DNMT3A: variants seen among roughly 807,000 people sequenced by gnomAD.
The protein encoded by DNMT3A is DNA methyltransferase 3 alpha, also known as DNA (cytosine-5)-methyltransferase 3A.
A neutral mutation model predicts 117.6 loss-of-function variants in DNMT3A; 267 were observed. The ratio of observed to expected loss-of-function variants is 2.27; its 90% CI spans 2.05 to 2.51. The LOEUF is 2.51. Among genes scored for constraint, DNMT3A ranks in the 30% most tolerant of loss-of-function variants. DNMT3A has a pLI of 0.00. For missense variants in DNMT3A, 1,029 were observed against 1,260.2 expected, an observed-to-expected ratio of 0.82 and a Z score of 2.78; for synonymous variants, 432 against 474.8, an observed-to-expected ratio of 0.91 and a Z score of 1.17.
intron 6 of DNMT3A, among the ~76,000 whole-genome samples, chr2:25,267,616 C>A (rs1008195155): frequency 3.9e-5 from 6 of 152,170 alleles, no homozygotes; most frequent in African/African-American, 1.4e-4. Context: ...GACTTTTTCA[C>A]AAGAATGTAT....
chr2:25,264,704 C>G (rs939286448), intron 6 of DNMT3A, among the ~76,000 whole-genome samples: 1 of 152,100 alleles, frequency 6.6e-6, no homozygotes, highest in African/African-American at 2.4e-5. Context: ...CCTCATGATA[C>G]GCCTGCCTTC....
chr2:25,240,315 G>T lies in DNMT3A; in HGVS notation c.2309C>A (p.Ser770Ter), dbSNP rs758845779. ...TGCTGGCTATACCTCGAGAAATCGC[G>T]AGATGTCCCTCTTGTCACTAACGCC... ...AMGVSDKRDI[S>*]RFLESNPVMI... Residue 770 changes from serine (S) to a stop codon, truncating the protein, a stop_gained, in exon 19 of 23, where the codon TCG becomes TAG. Transcript: ENST00000321117. LOFTEE classifies it high-confidence loss of function. The T allele has an allele frequency of 1.9e-6, 3 of 1,614,028 alleles. No homozygotes were observed. Among genetic ancestry groups the T allele is most frequent in the Non-Finnish European group, 1.7e-6 (2 of 1,180,018 alleles).
intron 6 of DNMT3A, chr2:25,249,578 G>A (rs978094303): frequency 9.3e-6 from 14 of 1,507,094 alleles, no homozygotes; most frequent in African/African-American, 2.7e-5. Context: ...TAGACCAGGC[G>A]TGCTCTCTGC....
At chr2:25,319,767 T>C (rs1039104924) in intron 1 of DNMT3A, among the ~76,000 whole-genome samples, 2 of 151,880 alleles carry the variant, frequency 1.3e-5, no homozygotes, top group Non-Finnish European at 2.9e-5. Context: ...GATTTTTTCT[T>C]TCTTTCTTTT....
Position 25,304,364 on chromosome 2 carries a change from C to A in DNMT3A, c.73-4121G>T, listed in dbSNP as rs575400287. 6.6e-6 allele frequency among the ~76,000 whole-genome samples: 1 copy of A among 152,178 alleles called. No individual in the cohort carries two copies. The highest frequency in any genetic ancestry group is 1.9e-4 in the East Asian group (1 of 5,200). On this transcript the variant is annotated intron_variant, in intron 2 of 22. Coordinates refer to ENST00000321117, the MANE Select transcript of DNMT3A (RefSeq NM_022552.5). This position sits in a 1 kb window ranked among gnomAD's most constrained non-coding sequence, Gnocchi z 4.3. ...TGAGGTGATGTAGCAAAAGCTGACA[C>A]GTGATAGTCACTCGAGAACTGCTAC...
At position 25,243,805 on chromosome 2, in the gene DNMT3A, A is replaced by G. The variant is rs528715708; in HGVS notation, c.1936+93T>C. The G allele has an allele frequency of 8.7e-5, 114 of 1,311,392 alleles. 1 individual carries two copies. In the South Asian group the frequency reaches 1.4e-3, roughly 16 times the overall value. 81.2% of individuals were successfully genotyped at this position (1,311,392 alleles called of 1,614,324 possible). On this transcript the variant is annotated intron_variant, in intron 16 of 22. Coordinates refer to ENST00000321117, the MANE Select transcript of DNMT3A (RefSeq NM_022552.5). ...ATAATATTTTAACAGCTGTGAAGCT[A>G]ACCATCATTTCGTTTTGCCAGAGTT... is the stretch of plus-strand genomic sequence containing the variant.
At chr2:25,267,648 T>G (rs1397204032) in intron 6 of DNMT3A, among the ~76,000 whole-genome samples, 1 of 152,240 alleles carries the variant, frequency 6.6e-6, no homozygotes, top group Admixed American at 6.5e-5. Flanking sequence ...TTATGTAATT[T>G]AAAATACTTT....
In DNMT3A at chr2:25,286,006, T is replaced by C. The variant is rs1327301797; in HGVS notation, c.178-3295A>G. Among the ~76,000 whole-genome samples, 2 of 152,224 alleles carry C rather than the reference T, an allele frequency of 1.3e-5. No homozygotes were observed. The highest frequency in any genetic ancestry group is 4.8e-5 in the African/African-American group (2 of 41,456). On this transcript the variant is annotated intron_variant, in intron 3 of 22. Transcript: ENST00000321117. This position sits in a 1 kb window ranked among gnomAD's most constrained non-coding sequence, Gnocchi z 4.3. ...TAAGAAGCTTAGGTCAGAGCCAGAC[T>C]TTTTCATGGCTGCGTCTTCCTTTCT...
chr2:25,238,967 T>C (rs1673663541), intron 20 of DNMT3A, among the ~76,000 whole-genome samples, 163 bp downstream of exon 20: 1 of 152,196 alleles, frequency 6.6e-6, no homozygotes, highest in Non-Finnish European at 1.5e-5. Context: ...ATACCCTGAC[T>C]CCTCTTCCTC....
chr2:25,239,058 GCTTCCCCA>G, intron 20 of DNMT3A, 64 bp downstream of exon 20: 1 of 1,400,774 alleles, frequency 7.1e-7, no homozygotes, highest in Admixed American at 1.9e-5. Flanking sequence ...CGGCTCAGGG[GCTTCCCCA>G]CTATGGGTCA....
At chr2:25,297,658 C>G (rs760863819) in intron 3 of DNMT3A, among the ~76,000 whole-genome samples, 5 of 152,228 alleles carry the variant, frequency 3.3e-5, no homozygotes, top group Non-Finnish European at 4.4e-5. Context: ...TTACAGGCAC[C>G]CGCCATCATG....
intron 2 of DNMT3A, among the ~76,000 whole-genome samples, chr2:25,303,548 AG>A (rs2033628762): frequency 6.6e-6 from 1 of 152,222 alleles, no homozygotes; most frequent in Non-Finnish European, 1.5e-5. Flanking sequence ...AGTGCCAGGC[AG>A]GGGTGCTGTG....
rs1487777635 is a variant in DNMT3A, at chr2:25,313,883, A to T, written c.72+30T>A. The stretch of plus-strand genomic sequence containing the variant: ...GACAGGGCTCTCCCTCTCCCAGGCC[A>T]GAGGGTCCCCAGCAGAGCCCGCTGC... On this transcript the variant is annotated intron_variant, in intron 2 of 22. Transcript: ENST00000321117. 4 of 1,548,814 alleles carry T rather than the reference A, an allele frequency of 2.6e-6. No individual in the cohort carries two copies. The Admixed American group carries it at 7.8e-5, about 30-fold the overall frequency.
intron 4 of DNMT3A, among the ~76,000 whole-genome samples, chr2:25,277,054 G>C (rs980553926): frequency 1.3e-5 from 2 of 152,132 alleles, no homozygotes; most frequent in African/African-American, 4.8e-5. Flanking sequence ...GAGCACCAGG[G>C]GGAGGGAGGC....
Position 25,244,553 on chromosome 2 carries a change from T to G in DNMT3A, c.1654A>C (p.Asn552His). The change falls in exon 14 of 23, where the codon AAC (asparagine) becomes CAC (histidine). Residue 552 changes from asparagine to histidine, a missense_variant. Coordinates refer to ENST00000321117, the MANE Select transcript of DNMT3A (RefSeq NM_022552.5). ...GGREVLMCGN[N>H]NCCRCFCVEC... ...CAACAGCCTCACCTGCAGCAGTTGT[T>G]GTTTCCGCACATGAGCACCTCACGG... The G allele has an allele frequency of 6.2e-7, 1 of 1,614,150 alleles. No homozygotes were observed.
intron 6 of DNMT3A, among the ~76,000 whole-genome samples, chr2:25,271,784 C>A (rs2030928749): frequency 1.3e-5 from 2 of 152,178 alleles, no homozygotes; most frequent in South Asian, 4.1e-4. Flanking sequence ...GTACTAAAGT[C>A]TTTTAAATTA....
At position 25,341,917 on chromosome 2, in the gene DNMT3A, C is replaced by T. The variant is rs1202640046; in HGVS notation, c.-269G>A. 30 of 980,216 alleles carry T rather than the reference C, an allele frequency of 3.1e-5. No individual in the cohort carries two copies. Among genetic ancestry groups the T allele is most frequent in the Non-Finnish European group, 3.5e-5 (29 of 827,928 alleles). 60.7% of individuals were successfully genotyped at this position (980,216 alleles called of 1,614,324 possible). A position where few individuals can be genotyped will look rare whatever the true frequency, so the allele number is the denominator to read the frequency against. ...CGTCCTCTGCTCTCGCCGCCGCCGC[C>T]GCCCGCGCGCCCTCCCTCCCTCCCG... On this transcript the variant is annotated 5_prime_UTR_variant, in exon 1 of 23. Transcript: ENST00000321117.
At chr2:25,313,840 C>G in intron 2 of DNMT3A, 73 bp downstream of exon 2, 1 of 1,546,418 alleles carries the variant, frequency 6.5e-7, no homozygotes, top group African/African-American at 1.4e-5. Context: ...TATGAGGAGC[C>G]GGCTGTCATC....
chr2:25,300,183 C>T lies in DNMT3A; in HGVS notation c.133G>A (p.Ala45Thr), dbSNP rs2149405178. The T allele has an allele frequency of 1.2e-6, 2 of 1,612,904 alleles. No individual in the cohort carries two copies. The highest frequency in any genetic ancestry group is 1.7e-6 in the Non-Finnish European group (2 of 1,179,968). The stretch of plus-strand genomic sequence containing the variant: ...CTCCCAGGCCGCCCCACCTTCCGTG[C>T]CGTGGTGCTGGGCTCTTGGCGCTCC... ...KEERQEPSTT[A>T]RKVGRPGRKR... Residue 45 changes from alanine (A) to threonine (T), a missense_variant, in exon 3 of 23, where the codon GCA (alanine) becomes ACA (threonine). Ala to Thr is a moderately conservative substitution (Grantham distance 58). Coordinates refer to ENST00000321117, the MANE Select transcript of DNMT3A (RefSeq NM_022552.5).
Sources: gnomAD v4.1 joint callset for allele counts (sites outside exome capture counted in the v4.1 genomes callset) on GRCh38, gnomAD v4.1.1 for gene constraint, Gnocchi (gnomAD v3.1) non-coding constraint, MANE v1.5 for transcripts, NCBI Gene and HGNC (gene_info 2026-07-23, HGNC 2026-07-21) for gene names.